USP54: variants seen among roughly 807,000 people sequenced by gnomAD.
The protein encoded by USP54 is ubiquitin carboxyl-terminal hydrolase 54.
Under a neutral mutation model 170.5 loss-of-function variants are expected in USP54, and 87 were observed. The observed-to-expected ratio is 0.51, with a 90% CI of 0.43 to 0.61. The LOEUF (loss-of-function observed/expected upper bound fraction) is 0.61, where lower values mean the gene tolerates loss of function less well. Among genes scored for constraint, USP54 ranks in the 20% least tolerant of loss-of-function variants. The probability of loss-of-function intolerance (pLI) is 0.00; values close to 1 mark genes in which losing one functional copy is unlikely to be tolerated. For synonymous variants in USP54, 655 were observed against 742.8 expected (o/e 0.88, Z 1.92); for missense variants, 1,786 against 2,047.8 (o/e 0.87, Z 2.47).
At chr10:73,560,091 G>C (rs374063452) in intron 4 of USP54, among the ~76,000 whole-genome samples, 4 of 151,946 alleles carry the variant, frequency 2.6e-5, no homozygotes, top group African/African-American at 9.7e-5. Flanking sequence ...CAGCAAAAAG[G>C]AATTCTTATT....
chr10:73,547,645 T>G (rs1338860390), intron 4 of USP54, among the ~76,000 whole-genome samples: 1 of 152,196 alleles, frequency 6.6e-6, no homozygotes, highest in Non-Finnish European at 1.5e-5. Context: ...GATTTCCTAT[T>G]TAATAAATGG....
At chr10:73,540,424 G>C (rs1283927306) in intron 9 of USP54, among the ~76,000 whole-genome samples, 1 of 151,994 alleles carries the variant, frequency 6.6e-6, no homozygotes, top group Admixed American at 6.6e-5. Context: ...CAAAAAATTA[G>C]CCGGGCATGG....
At chr10:73,580,833 C>A (rs1299479835) in intron 1 of USP54, among the ~76,000 whole-genome samples, 1 of 152,192 alleles carries the variant, frequency 6.6e-6, no homozygotes, top group Non-Finnish European at 1.5e-5. Flanking sequence ...CCCGCCTCAG[C>A]CTCCCAAAGT....
chr10:73,498,333 T>C lies in USP54; in HGVS notation c.*296A>G, dbSNP rs1329648293. 2.6e-5 allele frequency: 5 copies of C among 194,986 alleles called. No individual in the cohort carries two copies. In the East Asian group the frequency reaches 6.3e-4, roughly 24 times the overall value. 12.1% of individuals were successfully genotyped at this position (194,986 alleles called of 1,614,324 possible). ...ACTCTATTGCCAAGCTGGAGTGCAG[T>C]GGTGCGATCTCGGCTCACTGCAACC... On this transcript the variant is annotated 3_prime_UTR_variant, in exon 24 of 24. Coordinates refer to ENST00000687698, the MANE Select transcript of USP54 (RefSeq NM_001391956.1).
At chr10:73,512,916 T>C (rs2060439773) in intron 20 of USP54, among the ~76,000 whole-genome samples, 1 of 151,982 alleles carries the variant, frequency 6.6e-6, no homozygotes, top group Non-Finnish European at 1.5e-5. Flanking sequence ...TCCCAACTAC[T>C]CAAGGGGCTG....
rs774804435 is a variant in USP54, at chr10:73,516,739, C to T, written c.3687G>A (p.Glu1229=). The part of the protein sequence containing the change: ...TSSGGQPRLA[E]PDIYQEKLSQ... ...ACAGCTTCTCTTGGTATATGTCTGG[C>T]TCTGCCAACCTGGGCTGTCCTCCGC... is the stretch of plus-strand genomic sequence containing the variant. Residue 1229 remains glutamate (E), a synonymous_variant, in exon 20 of 24, where the codon GAG becomes GAA. Transcript: ENST00000687698. 6.2e-7 allele frequency: 1 copy of T among 1,614,176 alleles called. No individual in the cohort carries two copies. Among genetic ancestry groups the T allele is most frequent in the South Asian group, 1.1e-5 (1 of 91,084 alleles).
chr10:73,617,722 C>T (rs1397587602), intron 1 of USP54, among the ~76,000 whole-genome samples: 1 of 149,238 alleles, frequency 6.7e-6, no homozygotes, highest in Admixed American at 6.7e-5. Context: ...TCAGGAAAAG[C>T]TTTGTTGAGA....
At chr10:73,617,991 A>G (rs943948511) in intron 1 of USP54, among the ~76,000 whole-genome samples, 2 of 150,476 alleles carry the variant, frequency 1.3e-5, no homozygotes, top group African/African-American at 2.5e-5. Flanking sequence ...TTGACGGATC[A>G]TCTGAGGTCA....
At chr10:73,612,839 C>CA (rs756355670) in intron 1 of USP54, among the ~76,000 whole-genome samples, 3,419 of 40,460 alleles carry the variant, frequency 0.085, 140 homozygotes, top group East Asian at 0.16. Flanking sequence ...GACATTGTCT[C>CA]AAAAAAAAAA....
chr10:73,528,999 T>C (rs1292959565), intron 15 of USP54: 1 of 152,258 alleles, frequency 6.6e-6, no homozygotes, highest in Non-Finnish European at 1.5e-5. Context: ...ATTTTATTAA[T>C]TGTAGTCATG....
intron 1 of USP54, among the ~76,000 whole-genome samples, chr10:73,605,228 C>T (rs1402843271): frequency 6.6e-6 from 1 of 152,134 alleles, no homozygotes; most frequent in Non-Finnish European, 1.5e-5. Flanking sequence ...CCATGCCTGG[C>T]TAATTTTTTG....
intron 15 of USP54, among the ~76,000 whole-genome samples, chr10:73,527,596 C>T (rs1224162340): frequency 2.6e-5 from 4 of 151,208 alleles, no homozygotes; most frequent in African/African-American, 4.9e-5. Flanking sequence ...GCAAACTGAG[C>T]CCTATGGGCA....
upstream of USP54, among the ~76,000 whole-genome samples, chr10:73,593,801 C>T (rs1232429354): frequency 6.6e-6 from 1 of 152,100 alleles, no homozygotes; most frequent in Non-Finnish European, 1.5e-5. Context: ...GGTCACATTC[C>T]GTAGCTTTTC....
intron 4 of USP54, 26 bp from the exon 5 acceptor site, chr10:73,545,698 A>C: frequency 6.2e-7 from 1 of 1,610,160 alleles, no homozygotes; most frequent in Non-Finnish European, 8.5e-7. Flanking sequence ...TAGACAAGAG[A>C]AAAAGTACAA....
At position 73,498,488 on chromosome 10, in the gene USP54, A is replaced by T; in HGVS notation, c.*141T>A. The T allele has an allele frequency of 2.8e-6, 2 of 722,766 alleles. No individual in the cohort carries two copies. Among genetic ancestry groups the T allele is most frequent in the East Asian group, 3.0e-5 (1 of 33,796 alleles). The allele number at this position is 722,766 out of a possible 1,614,324, so 44.8% of individuals were successfully genotyped here. A position where few individuals can be genotyped will look rare whatever the true frequency, so the allele number is the denominator to read the frequency against. On this transcript the variant is annotated 3_prime_UTR_variant, in exon 24 of 24. Transcript: ENST00000687698. ...ACGGGGTTTCACCATGTTGGCCAGG[A>T]TGGTCTCAATCTCCTGACCTCGTGA...
rs1242539235 is a variant in USP54, at chr10:73,520,930, C to CT, written c.2459_2460insA (p.Ala821GlyfsTer4). 1 of 1,614,160 alleles carries CT rather than the reference C, an allele frequency of 6.2e-7. No homozygotes were observed. The highest frequency in any genetic ancestry group is 8.5e-7 in the Non-Finnish European group (1 of 1,180,034). On this transcript the variant is annotated frameshift_variant, in exon 18 of 24. Transcript: ENST00000687698. LOFTEE classifies it high-confidence loss of function. ...TACAGATAGCTTCATTACAGAGAGCCAAAGCTGCAGCACAGTCTCCTTTCT... is the reference window on the plus strand; with the variant it reads ...TACAGATAGCTTCATTACAGAGAGCCTAAAGCTGCAGCACAGTCTCCTTTCT...
intron 1 of USP54, chr10:73,606,282 T>C (rs2079623709): frequency 6.6e-6 from 1 of 151,206 alleles, no homozygotes; most frequent in Non-Finnish European, 1.5e-5. Flanking sequence ...ATGGTTAAGA[T>C]GATAAATATT....
chr10:73,596,508 G>C (rs1439046495), intron 1 of USP54, among the ~76,000 whole-genome samples: 1 of 151,628 alleles, frequency 6.6e-6, no homozygotes, highest in Non-Finnish European at 1.5e-5. Flanking sequence ...GCAGTGAGCC[G>C]AGATCGCACC....
intron 20 of USP54, among the ~76,000 whole-genome samples, chr10:73,507,669 CAAAAAAAAAAAAA>C (rs913305815): frequency 1.6e-3 from 36 of 22,460 alleles, no homozygotes; most frequent in African/African-American, 3.2e-3. Flanking sequence ...GACTCCGTCG[CAAAAAAAAAAAAA>C]AAAAAAAAAA....
Sources: gnomAD v4.1 joint callset for allele counts (sites outside exome capture counted in the v4.1 genomes callset) on GRCh38, gnomAD v4.1.1 for gene constraint, MANE v1.5 for transcripts, NCBI Gene and HGNC (gene_info 2026-07-23, HGNC 2026-07-21) for gene names.